The following FAM161A variants were observed in gnomAD, a reference collection of about 807,000 sequenced individuals.
FAM161A encodes protein FAM161A.
In FAM161A, 57 loss-of-function variants were observed where a neutral mutation model predicts 70.9. The ratio of observed to expected loss-of-function variants is 0.80; its 90% CI spans 0.65 to 1.00. The LOEUF (loss-of-function observed/expected upper bound fraction) is 1.00. FAM161A is among the 50% of genes least tolerant of loss of function. The probability of loss-of-function intolerance (pLI) is 0.00; values close to 1 mark genes in which losing one functional copy is unlikely to be tolerated. For synonymous variants in FAM161A, 299 were observed against 295.7 expected (o/e 1.01, Z -0.12); for missense variants, 880 against 836.0 (o/e 1.05, Z -0.65).
intron 5 of FAM161A, among the ~76,000 whole-genome samples, chr2:61,834,520 T>C (rs1216239409): frequency 6.6e-6 from 1 of 151,646 alleles, no homozygotes; most frequent in East Asian, 1.9e-4. Flanking sequence ...TGGAGTGCAA[T>C]GACGCAATCT....
the FAM161A span, among the ~76,000 whole-genome samples, chr2:61,802,539 A>G: frequency 1.9e-4 from 29 of 152,162 alleles, no homozygotes; most frequent in African/African-American, 6.3e-4. Context: ...TGCAAAATGG[A>G]ATATATTCAG....
chr2:61,813,617 G>A, the FAM161A span, among the ~76,000 whole-genome samples: 1 of 150,502 alleles, frequency 6.6e-6, no homozygotes, highest in Non-Finnish European at 1.5e-5. Context: ...TATTTGGGAG[G>A]CTGAGGTGGA....
At position 61,840,007 on chromosome 2, in the gene FAM161A, G is replaced by A. The variant is rs1672947913; in HGVS notation, c.997C>T (p.Gln333Ter). ...KPFKFIAREEQKRAAREKQLR... is the reference protein window; with the variant it reads ...KPFKFIAREE ...TGCTTTTCCCGGGCTGCTCGCTTCT[G>A]TTCCTCCCTTGCTATAAATTTAAAT... The change falls in exon 3 of 7, where the codon CAG becomes TAG. Residue 333 changes from glutamine (Q) to a stop codon, truncating the protein, a stop_gained. Transcript: ENST00000404929. LOFTEE classifies it high-confidence loss of function. The A allele has an allele frequency of 1.9e-6, 3 of 1,614,154 alleles. No individual in the cohort carries two copies. Among genetic ancestry groups the A allele is most frequent in the Non-Finnish European group, 2.5e-6 (3 of 1,180,036 alleles).
At chr2:61,843,925 C>T (rs1164088563) in intron 1 of FAM161A, among the ~76,000 whole-genome samples, 1 of 151,994 alleles carries the variant, frequency 6.6e-6, no homozygotes, top group East Asian at 1.9e-4. Context: ...AGGTGGATCA[C>T]GAGGTCAGGA....
At chr2:61,801,131 G>C in the FAM161A span, among the ~76,000 whole-genome samples, 2 of 152,062 alleles carry the variant, frequency 1.3e-5, no homozygotes, top group African/African-American at 4.8e-5. Flanking sequence ...AAATTTCTTA[G>C]GAGGCCTTAG....
In FAM161A at chr2:61,827,136, T is replaced by C; in HGVS notation, c.1974A>G (p.Gln658=). The C allele has an allele frequency of 1.9e-6, 3 of 1,613,982 alleles. No individual in the cohort carries two copies. The highest frequency in any genetic ancestry group is 2.5e-6 in the Non-Finnish European group (3 of 1,180,008). Residue 658 remains glutamine, a synonymous_variant, in exon 6 of 7, where the codon CAA becomes CAG. Coordinates refer to ENST00000404929, the MANE Select transcript of FAM161A (RefSeq NM_001201543.2). ...TGTCTTCAGTGACACTTTTCGTCTC[T>C]TGATTGTTGAAGTACTCAAGTACTT... is the stretch of plus-strand genomic sequence containing the variant. ...SGKVLEYFNN[Q]ETKSVTEDKE...
the FAM161A span, among the ~76,000 whole-genome samples, chr2:61,808,942 G>A: frequency 3.3e-5 from 5 of 150,932 alleles, no homozygotes; most frequent in Non-Finnish European, 5.9e-5. Flanking sequence ...GTGTGATCTC[G>A]GCTCACTGCA....
intron 5 of FAM161A, among the ~76,000 whole-genome samples, chr2:61,827,628 A>AT (rs1180920641): frequency 2.0e-4 from 31 of 151,322 alleles, no homozygotes; most frequent in Non-Finnish European, 1.2e-4. Flanking sequence ...AAAAAAAAAA[A>AT]ATATGGATTA....
the FAM161A span, among the ~76,000 whole-genome samples, chr2:61,810,607 C>T: frequency 1.9e-3 from 290 of 151,668 alleles, 3 homozygotes; most frequent in African/African-American, 6.7e-3. Flanking sequence ...TACAGGCATG[C>T]ATCACCACAC....
chr2:61,805,044 C>T, the FAM161A span, among the ~76,000 whole-genome samples: 1 of 152,012 alleles, frequency 6.6e-6, no homozygotes, highest in Non-Finnish European at 1.5e-5. Flanking sequence ...GAGGAAGTCA[C>T]GCCCATGAGC....
the FAM161A span, among the ~76,000 whole-genome samples, chr2:61,817,828 C>T: frequency 2.0e-5 from 3 of 151,954 alleles, no homozygotes; most frequent in Non-Finnish European, 2.9e-5. Flanking sequence ...TTAGCAGGTG[C>T]GGTGGCTTGC....
At chr2:61,840,719 C>T (rs1409802575) in intron 2 of FAM161A, 138 bp from the exon 3 acceptor site, 10 of 664,030 alleles carry the variant, frequency 1.5e-5, no homozygotes, top group Admixed American at 5.1e-5. Flanking sequence ...GGTGTGATAT[C>T]GGCTCACTGC....
chr2:61,826,496 C>T lies in FAM161A; in HGVS notation c.2110G>A (p.Glu704Lys), dbSNP rs775239997. 23 of 1,608,600 alleles carry T rather than the reference C, an allele frequency of 1.4e-5. No homozygotes were observed. The highest frequency in any genetic ancestry group is 2.2e-5 in the East Asian group (1 of 44,806). ...ACAGATTTCTCTTCTTCACTTTCCT[C>T]ATTGGCTTCATCTTTTTCCTTGTAA... The part of the protein sequence containing the change: ...DSYKEKDEAN[E>K]ESEEEKSVEE... The change falls in exon 7 of 7, where the codon GAG becomes AAG. Residue 704 changes from glutamate (E) to lysine (K), a missense_variant. Physicochemically the swap from Glu to Lys is moderately conservative, Grantham distance 56. Transcript: ENST00000404929.
chr2:61,820,480 T>C (rs1258332158), downstream of FAM161A: 1 of 755,338 alleles, frequency 1.3e-6, no homozygotes, highest in Admixed American at 1.7e-5. Flanking sequence ...AAGAGAAGGT[T>C]CTCAAAGACC....
intron 1 of FAM161A, among the ~76,000 whole-genome samples, chr2:61,842,728 G>A (rs905923197): frequency 5.9e-5 from 9 of 152,284 alleles, no homozygotes; most frequent in South Asian, 2.1e-4. Flanking sequence ...AGATGAAGAG[G>A]AACACGGTTC....
At chr2:61,803,517 C>G in the FAM161A span, 2 of 514,036 alleles carry the variant, frequency 3.9e-6, no homozygotes, top group Non-Finnish European at 3.5e-6. Context: ...GAGGATTTTT[C>G]ACAATAAGAT....
intron 3 of FAM161A, among the ~76,000 whole-genome samples, chr2:61,838,989 T>C (rs1227995390): frequency 6.6e-6 from 1 of 151,704 alleles, no homozygotes; most frequent in East Asian, 1.9e-4. Context: ...TTCAAGCGAT[T>C]CTCCTGCCTC....
At chr2:61,848,878 A>T (rs866638169) in intron 1 of FAM161A, among the ~76,000 whole-genome samples, 16 of 1,270 alleles carry the variant, frequency 0.013, 3 homozygotes, top group African/African-American at 0.053. Flanking sequence ...ATATATTTAT[A>T]TATATATTTA....
chr2:61,822,432 T>A (rs571418117), downstream of FAM161A, among the ~76,000 whole-genome samples: 1 of 152,102 alleles, frequency 6.6e-6, no homozygotes, highest in African/African-American at 2.4e-5. Context: ...GACACCATAA[T>A]ATTATAGTCT....
Sources: gnomAD v4.1 joint callset for allele counts (sites outside exome capture counted in the v4.1 genomes callset) on GRCh38, gnomAD v4.1.1 for gene constraint, MANE v1.5 for transcripts, NCBI Gene and HGNC (gene_info 2026-07-23, HGNC 2026-07-21) for gene names.